TMEM248: variants seen among roughly 807,000 people sequenced by gnomAD.
TMEM248 encodes the protein transmembrane protein 248, also known as UPF0458 protein C7orf42.
In TMEM248, 9 loss-of-function variants were observed where a neutral mutation model predicts 30.3. That is an observed-to-expected ratio of 0.30 (90% CI 0.18 to 0.52). The LOEUF is 0.52. TMEM248 is among the 20% of genes least tolerant of loss of function. The probability of loss-of-function intolerance (pLI) is 0.97; values close to 1 mark genes in which losing one functional copy is unlikely to be tolerated. For synonymous variants in TMEM248, 184 were observed against 154.4 expected, an observed-to-expected ratio of 1.19 and a Z score of -1.42; for missense variants, 338 against 403.3, an observed-to-expected ratio of 0.84 and a Z score of 1.39.
At chr7:66,939,864 G>A (rs1176956386) in intron 1 of TMEM248, among the ~76,000 whole-genome samples, 1 of 152,220 alleles carries the variant, frequency 6.6e-6, no homozygotes, top group African/African-American at 2.4e-5. Context: ...TGTGCTCTTG[G>A]TTGATGCTAA....
intron 1 of TMEM248, among the ~76,000 whole-genome samples, chr7:66,925,213 G>C (rs1237531377): frequency 6.6e-6 from 1 of 151,886 alleles, no homozygotes; most frequent in Non-Finnish European, 1.5e-5. Context: ...TAGAGGCAAG[G>C]TCTCACTCTG....
intron 1 of TMEM248, among the ~76,000 whole-genome samples, chr7:66,931,836 GCT>G (rs1362340217): frequency 8.9e-6 from 1 of 111,920 alleles, no homozygotes; most frequent in Non-Finnish European, 1.7e-5. Context: ...GCAGAGTCTC[GCT>G]CTGTCACCCA....
In TMEM248 at chr7:66,922,655, T is replaced by G. The variant is rs186059064; in HGVS notation, c.-19+1194T>G. On this transcript the variant is annotated intron_variant, in intron 1 of 6. Transcript: ENST00000341567. ...CACCAAAGGCTAGTTAACTGGCACC[T>G]TCTCCGTTTAGGCTCTAGCTGCATC... Among the ~76,000 whole-genome samples, 10 of 152,230 alleles carry G rather than the reference T, an allele frequency of 6.6e-5. No homozygotes were observed. In the East Asian group the frequency reaches 1.9e-3, roughly 30 times the overall value.
chr7:66,951,215 A>G (rs1792262061), intron 5 of TMEM248, 80 bp downstream of exon 5: 1 of 1,370,012 alleles, frequency 7.3e-7, no homozygotes, highest in Non-Finnish European at 9.6e-7. Flanking sequence ...CCGTTGGTGT[A>G]GGCCCTGCTG....
At chr7:66,935,288 C>A (rs1361002174) in intron 1 of TMEM248, among the ~76,000 whole-genome samples, 1 of 151,444 alleles carries the variant, frequency 6.6e-6, no homozygotes, top group Non-Finnish European at 1.5e-5. Flanking sequence ...GTTCCAGCAG[C>A]TCTCCTGCCT....
At chr7:66,948,119 T>A (rs1792160065) in intron 3 of TMEM248, among the ~76,000 whole-genome samples, 1 of 152,210 alleles carries the variant, frequency 6.6e-6, no homozygotes, top group Admixed American at 6.5e-5. Flanking sequence ...CCCTCTGACC[T>A]CTGTTTGTTC....
chr7:66,923,678 T>TTTTTTG (rs1295695787), intron 1 of TMEM248, among the ~76,000 whole-genome samples: 1 of 152,154 alleles, frequency 6.6e-6, no homozygotes, highest in East Asian at 1.9e-4. Context: ...ATTTCTGGGT[T>TTTTTTG]TTTTTGTTTT....
At chr7:66,926,639 CAAAA>C (rs200106499) in intron 1 of TMEM248, among the ~76,000 whole-genome samples, 2 of 86,596 alleles carry the variant, frequency 2.3e-5, no homozygotes, top group Non-Finnish European at 4.9e-5. Flanking sequence ...CCATCTGAAA[CAAAA>C]AAAAAAAAAA....
Position 66,955,651 on chromosome 7 carries a change from T to C in TMEM248, c.*129T>C. 1.8e-6 allele frequency: 2 copies of C among 1,112,034 alleles called. No homozygotes were observed. Among genetic ancestry groups the C allele is most frequent in the East Asian group, 4.8e-5 (2 of 41,964 alleles). The allele number at this position is 1,112,034 out of a possible 1,614,324, so 68.9% of individuals were successfully genotyped here. On this transcript the variant is annotated 3_prime_UTR_variant, in exon 7 of 7. Coordinates refer to ENST00000341567, the MANE Select transcript of TMEM248 (RefSeq NM_017994.5). ...GTTGGGTTATTCCAGCCAAAGACAT[T>C]TCAAGTGCCTGTAACTGATTTGTAC...
chr7:66,930,074 C>T (rs943219554), intron 1 of TMEM248, among the ~76,000 whole-genome samples: 3 of 152,096 alleles, frequency 2.0e-5, no homozygotes, highest in African/African-American at 4.8e-5. Flanking sequence ...GTGGGAGGAT[C>T]GCTTGCGCCC....
chr7:66,925,021 T>TA (rs760686776), intron 1 of TMEM248, among the ~76,000 whole-genome samples: 43 of 152,040 alleles, frequency 2.8e-4, no homozygotes, highest in African/African-American at 9.4e-4. Flanking sequence ...ATTTTTTAAT[T>TA]AAAAAAAATA....
chr7:66,950,608 C>G (rs1415895684), intron 4 of TMEM248, among the ~76,000 whole-genome samples: 1 of 152,102 alleles, frequency 6.6e-6, no homozygotes, highest in Non-Finnish European at 1.5e-5. Context: ...GACTAATATA[C>G]TAAGAGTTTA....
chr7:66,946,064 G>T (rs1197947898), intron 3 of TMEM248, among the ~76,000 whole-genome samples: 1 of 147,904 alleles, frequency 6.8e-6, no homozygotes, highest in Non-Finnish European at 1.5e-5. Context: ...CAGCCTGGGC[G>T]ACAGAGGGAG....
intron 1 of TMEM248, among the ~76,000 whole-genome samples, chr7:66,936,470 A>G (rs12534948): frequency 0.16 from 24,318 of 151,884 alleles, 2,283 homozygotes; most frequent in East Asian, 0.29. Context: ...ATGTTTTGGA[A>G]GAGATTTACA....
At chr7:66,939,018 T>C (rs1374815856) in intron 1 of TMEM248, among the ~76,000 whole-genome samples, 1 of 152,202 alleles carries the variant, frequency 6.6e-6, no homozygotes, top group Non-Finnish European at 1.5e-5. Flanking sequence ...CCTAAATGGC[T>C]GATTAAAAAA....
At chr7:66,923,214 T>C (rs1291414346) in intron 1 of TMEM248, among the ~76,000 whole-genome samples, 5 of 150,324 alleles carry the variant, frequency 3.3e-5, no homozygotes, top group Non-Finnish European at 5.9e-5. Flanking sequence ...GGCGCGAAGT[T>C]AGCTCACTGC....
chr7:66,948,928 G>A (rs1792186506), intron 4 of TMEM248, among the ~76,000 whole-genome samples: 1 of 152,158 alleles, frequency 6.6e-6, no homozygotes, highest in African/African-American at 2.4e-5. Flanking sequence ...CCCCCTCGAG[G>A]CAGTAAAAGC....
At position 66,921,377 on chromosome 7, in the gene TMEM248, A is replaced by C. The variant is rs1791379669; in HGVS notation, c.-103A>C. 3.3e-5 allele frequency: 5 copies of C among 149,792 alleles called. No homozygotes were observed. The South Asian group carries it at 1.0e-3, about 31-fold the overall frequency. 9.3% of individuals were successfully genotyped at this position (149,792 alleles called of 1,614,324 possible). On this transcript the variant is annotated 5_prime_UTR_variant, in exon 1 of 7. Coordinates refer to ENST00000341567, the MANE Select transcript of TMEM248 (RefSeq NM_017994.5). ...GGCCTCGGGCCCGCCACGCGCCGCC[A>C]CGAGTGAGCCCAGCGCGACCGCGGG...
chr7:66,946,823 A>G (rs1792120937), intron 3 of TMEM248, among the ~76,000 whole-genome samples: 2 of 152,226 alleles, frequency 1.3e-5, no homozygotes, highest in South Asian at 4.1e-4. Flanking sequence ...AAGGGCTAGA[A>G]GGCAGTGGAA....
Sources: gnomAD v4.1 joint callset for allele counts (sites outside exome capture counted in the v4.1 genomes callset) on GRCh38, gnomAD v4.1.1 for gene constraint, MANE v1.5 for transcripts, NCBI Gene and HGNC (gene_info 2026-07-23, HGNC 2026-07-21) for gene names.